RSRC1: variants seen among roughly 807,000 people sequenced by gnomAD.
RSRC1 encodes the protein serine/Arginine-related protein 53.
RSRC1 carries 39 observed loss-of-function variants against 49.1 expected under a neutral mutation model. The ratio of observed to expected loss-of-function variants is 0.79; its 90% CI spans 0.61 to 1.04. RSRC1 has a LOEUF of 1.04. Ranked by LOEUF, RSRC1 falls within the 50% of genes least tolerant of loss-of-function variation. RSRC1 has a pLI of 0.00. For synonymous variants in RSRC1, 143 were observed against 130.8 expected, an observed-to-expected ratio of 1.09 and a Z score of -0.63; for missense variants, 388 against 402.4, an observed-to-expected ratio of 0.96 and a Z score of 0.31.
chr3:158,386,438 T>C (rs1732970399), intron 6 of RSRC1, among the ~76,000 whole-genome samples: 1 of 152,070 alleles, frequency 6.6e-6, no homozygotes, highest in African/African-American at 2.4e-5. Context: ...CCCAATTTAT[T>C]CTCATTATAA....
chr3:158,145,191 C>T (rs1226523359), intron 3 of RSRC1, among the ~76,000 whole-genome samples: 1 of 152,184 alleles, frequency 6.6e-6, no homozygotes, highest in Admixed American at 6.5e-5. Flanking sequence ...GTGTTTTAGA[C>T]ATGAAGTCCT....
At position 158,537,132 on chromosome 3, in the gene RSRC1, A is replaced by G. The variant is rs753418027; in HGVS notation, c.693A>G (p.Glu231=). ...TLVEQVKRVK[E]IEAIESDSFV... The stretch of plus-strand genomic sequence containing the variant: ...TAGAACAAGTAAAAAGAGTAAAAGA[A>G]ATTGAAGCTATTGAAAGTGATTCTT... Residue 231 remains glutamate, a synonymous_variant, in exon 8 of 10, where the codon GAA becomes GAG. Transcript: ENST00000611884. 1.2e-6 allele frequency: 2 copies of G among 1,606,620 alleles called. No individual in the cohort carries two copies. Among genetic ancestry groups the G allele is most frequent in the Non-Finnish European group, 1.7e-6 (2 of 1,176,254 alleles).
chr3:158,364,532 T>C (rs1731651506), intron 6 of RSRC1, among the ~76,000 whole-genome samples: 1 of 152,196 alleles, frequency 6.6e-6, no homozygotes, highest in Admixed American at 6.5e-5. Context: ...TACTGTCCTG[T>C]AGTTTCCTCA....
chr3:158,511,509 C>A (rs374825965), intron 7 of RSRC1, among the ~76,000 whole-genome samples: 20 of 152,202 alleles, frequency 1.3e-4, no homozygotes, highest in South Asian at 4.1e-4. Flanking sequence ...CATTTTCTTA[C>A]TCCAGTCTAT....
chr3:158,129,288 CTTTTT>C (rs71144439), intron 3 of RSRC1, among the ~76,000 whole-genome samples: 8 of 71,064 alleles, frequency 1.1e-4, no homozygotes, highest in South Asian at 5.9e-4. Flanking sequence ...TTCTTTCTTT[CTTTTT>C]TTTTTTTTTT....
At chr3:158,511,420 A>G (rs1359194887) in intron 7 of RSRC1, among the ~76,000 whole-genome samples, 3 of 151,978 alleles carry the variant, frequency 2.0e-5, no homozygotes, top group African/African-American at 4.8e-5. Context: ...ATGATTTCCA[A>G]TTTCATCCAT....
intron 4 of RSRC1, among the ~76,000 whole-genome samples, chr3:158,287,546 G>C (rs982909617): frequency 6.6e-6 from 1 of 151,962 alleles, no homozygotes; most frequent in Non-Finnish European, 1.5e-5. Context: ...GGATAAATCA[G>C]AAAGAACCTA....
intron 6 of RSRC1, among the ~76,000 whole-genome samples, chr3:158,367,885 T>C (rs914014611): frequency 2.6e-5 from 4 of 152,172 alleles, no homozygotes; most frequent in Admixed American, 1.3e-4. Flanking sequence ...TGAATGTGGT[T>C]TTTAGCTTTT....
rs191408787 is a variant in RSRC1 at position 158,462,619 on chromosome 3, A to T, written c.652+1616A>T. On this transcript the variant is annotated intron_variant, in intron 7 of 9. Coordinates refer to ENST00000611884, the MANE Select transcript of RSRC1 (RefSeq NM_001271838.2). ...AAAAAATAATATGAATGCTTATCTT[A>T]GCAAAAGAAACTTTTTTAATACTTC... Among the ~76,000 whole-genome samples the T allele has an allele frequency of 5.1e-3, 778 of 152,112 alleles. 5 individuals are homozygous for T. The highest frequency in any genetic ancestry group is 6.3e-3 in the Non-Finnish European group (426 of 67,856).
At chr3:158,483,752 GAA>G (rs1179284685) in intron 7 of RSRC1, among the ~76,000 whole-genome samples, 1 of 151,984 alleles carries the variant, frequency 6.6e-6, no homozygotes, top group Non-Finnish European at 1.5e-5. Context: ...TTATTCTCAA[GAA>G]TATATTATTC....
At chr3:158,544,085 T>G in intron 9 of RSRC1, 98 bp from the exon 10 acceptor site, 1 of 765,314 alleles carries the variant, frequency 1.3e-6, no homozygotes, top group South Asian at 1.6e-5. Context: ...AATCTTGTGT[T>G]GAGAGATATA....
intron 6 of RSRC1, among the ~76,000 whole-genome samples, chr3:158,443,483 G>A (rs1426430215): frequency 6.6e-6 from 1 of 152,116 alleles, no homozygotes; most frequent in African/African-American, 2.4e-5. Flanking sequence ...CTTTTCTTCA[G>A]CAGCTTCCTC....
intron 6 of RSRC1, among the ~76,000 whole-genome samples, chr3:158,364,023 G>T (rs1379678277): frequency 6.6e-6 from 1 of 152,076 alleles, no homozygotes. Context: ...CAATTTTTCT[G>T]CAGCCTGTTA....
intron 5 of RSRC1, among the ~76,000 whole-genome samples, chr3:158,343,127 T>G (rs997009213): frequency 3.3e-5 from 5 of 152,220 alleles, no homozygotes; most frequent in African/African-American, 1.2e-4. Context: ...AATAGCCACC[T>G]AAAATGATTA....
chr3:158,460,988 A>G lies in RSRC1; in HGVS notation c.637A>G (p.Arg213Gly), dbSNP rs918747602. Residue 213 changes from arginine (R) to glycine (G), a missense_variant, in exon 7 of 10, where the codon AGA becomes GGA. Coordinates refer to ENST00000611884, the MANE Select transcript of RSRC1 (RefSeq NM_001271838.2). ...AKERNEEEAKRRKEEDQATLV... is the reference protein window; with the variant it reads ...AKERNEEEAKGRKEEDQATLV... The stretch of plus-strand genomic sequence containing the variant: ...AGAAAGAAATGAGGAAGAAGCAAAG[A>G]GAAGAAAGGAGGAAGGTAAAGGCAT... 5.6e-6 allele frequency: 9 copies of G among 1,600,704 alleles called. No homozygotes were observed. Among genetic ancestry groups the G allele is most frequent in the Non-Finnish European group, 7.7e-6 (9 of 1,171,710 alleles).
chr3:158,316,139 G>A (rs976068165), intron 5 of RSRC1, among the ~76,000 whole-genome samples: 1 of 150,826 alleles, frequency 6.6e-6, no homozygotes, highest in South Asian at 2.1e-4. Flanking sequence ...GCCACAGCAC[G>A]CCAGCCTGGA....
At chr3:158,361,237 AC>A (rs1346857978) in intron 6 of RSRC1, among the ~76,000 whole-genome samples, 2 of 152,070 alleles carry the variant, frequency 1.3e-5, no homozygotes, top group African/African-American at 4.8e-5. Context: ...AGGTGCAGGA[AC>A]CCAGTGTCCT....
At chr3:158,358,218 A>G (rs953533491) in intron 6 of RSRC1, among the ~76,000 whole-genome samples, 1 of 152,200 alleles carries the variant, frequency 6.6e-6, no homozygotes, top group Non-Finnish European at 1.5e-5. Context: ...TATGTGCTAA[A>G]CTATTACATA....
chr3:158,148,959 C>G (rs537936365), intron 3 of RSRC1, among the ~76,000 whole-genome samples: 14 of 152,008 alleles, frequency 9.2e-5, no homozygotes, highest in African/African-American at 2.7e-4. Context: ...AATTTTTGTA[C>G]TTTTAATAGA....
Sources: allele counts gnomAD v4.1 joint callset (sites outside exome capture counted in the v4.1 genomes callset), GRCh38; gene constraint gnomAD v4.1.1; transcripts MANE v1.5; gene names NCBI Gene and HGNC (gene_info 2026-07-23, HGNC 2026-07-21).